GLUL: variants seen among roughly 807,000 people sequenced by gnomAD.
GLUL encodes glutamate-ammonia ligase, also known as glutamine synthetase.
GLUL carries 8 observed loss-of-function variants against 36.9 expected under a neutral mutation model. That is an observed-to-expected ratio of 0.22 (90% CI 0.13 to 0.39). The LOEUF (loss-of-function observed/expected upper bound fraction) is 0.39, where lower values mean the gene tolerates loss of function less well. Among genes scored for constraint, GLUL ranks in the 10% least tolerant of loss-of-function variants. The pLI is 1.00. For synonymous variants in GLUL, 182 were observed against 172.8 expected, an observed-to-expected ratio of 1.05 and a Z score of -0.42; for missense variants, 315 against 501.8, an observed-to-expected ratio of 0.63 and a Z score of 3.56.
Position 182,387,115 on chromosome 1 carries a change from C to T in GLUL, c.328+16G>A, listed in dbSNP as rs371238132. 7.0e-5 allele frequency: 111 copies of T among 1,595,458 alleles called. No individual in the cohort carries two copies. The African/African-American group carries it at 1.3e-3, about 19-fold the overall frequency. On this transcript the variant is annotated intron_variant, in intron 3 of 6. Coordinates refer to ENST00000331872, the MANE Select transcript of GLUL (RefSeq NM_001033044.4). ...ACAGATTGAGGAGGGGTATCCATAG[C>T]TGTGCTATAACACACCTGCAGGCCT...
rs2101933749 is a variant in GLUL, at chr1:182,386,404, T to C, written c.329-2A>G. 1 of 1,605,696 alleles carries C rather than the reference T, an allele frequency of 6.2e-7. No individual in the cohort carries two copies. Among genetic ancestry groups the C allele is most frequent in the Non-Finnish European group, 8.5e-7 (1 of 1,172,334 alleles). ...TACAGGTGTGCCTCAAATTGGTCTC[T>C]AGAAAAAAGAGTCAATAATACGCCA... is the stretch of plus-strand genomic sequence containing the variant. On this transcript the variant is annotated splice_acceptor_variant, in intron 3 of 6. Transcript: ENST00000331872. LOFTEE classifies it high-confidence loss of function.
At chr1:182,387,819 C>T (rs1169203513) in intron 2 of GLUL, among the ~76,000 whole-genome samples, 1 of 152,222 alleles carries the variant, frequency 6.6e-6, no homozygotes, top group Non-Finnish European at 1.5e-5. Flanking sequence ...TGACTGAGTT[C>T]TCTGAAGGCA....
chr1:182,388,917 G>T, intron 1 of GLUL, 167 bp from the exon 2 acceptor site: 6 of 654,262 alleles, frequency 9.2e-6, no homozygotes, highest in Admixed American at 2.2e-5. Context: ...CTTTCAGGGG[G>T]ATTAGTTTTA....
At position 182,384,696 on chromosome 1, in the gene GLUL, T is replaced by C. The variant is rs1571404610; in HGVS notation, c.831A>G (p.Leu277=). 5 of 1,614,096 alleles carry C rather than the reference T, an allele frequency of 3.1e-6. No homozygotes were observed. In the South Asian group the frequency reaches 5.5e-5, roughly 18 times the overall value. The change falls in exon 7 of 7, where the codon CTA becomes CTG. Residue 277 remains leucine (L), a synonymous_variant. Transcript: ENST00000331872. ...LKYIEEAIEK[L]SKRHQYHIRA... is the part of the protein sequence containing the mutation. ...GGATGTGGTACTGGTGCCGCTTGCT[T>C]AGTTTCTCAATGGCCTCCTCGATGT...
At position 182,383,523 on chromosome 1, in the gene GLUL, G is replaced by C. The variant is rs1023782538; in HGVS notation, c.*882C>G. On this transcript the variant is annotated 3_prime_UTR_variant, in exon 7 of 7. Coordinates refer to ENST00000331872, the MANE Select transcript of GLUL (RefSeq NM_001033044.4). ...AATCCAGTGCCCACCTTCTCCAGAGGGTGGGCAGGGCAGAAACCCAAAAGG... is the reference window on the plus strand; with the variant it reads ...AATCCAGTGCCCACCTTCTCCAGAGCGTGGGCAGGGCAGAAACCCAAAAGG... The C allele has an allele frequency of 6.6e-6, 1 of 152,066 alleles. No homozygotes were observed. Among genetic ancestry groups the C allele is most frequent in the Admixed American group, 6.5e-5 (1 of 15,268 alleles). 9.4% of individuals were successfully genotyped at this position (152,066 alleles called of 1,614,324 possible).
chr1:182,387,710 T>G (rs1222020451), intron 2 of GLUL, among the ~76,000 whole-genome samples: 1 of 152,210 alleles, frequency 6.6e-6, no homozygotes, highest in Admixed American at 6.5e-5. Flanking sequence ...ATTTTATAGA[T>G]GAGGGAACAG....
Position 182,380,065 on chromosome 1 carries a change from C to A in GLUL, c.*4340G>T, listed in dbSNP as rs1422904505. 6.6e-6 allele frequency among the ~76,000 whole-genome samples: 1 copy of A among 152,014 alleles called. No homozygotes were observed. Among genetic ancestry groups the A allele is most frequent in the Non-Finnish European group, 1.5e-5 (1 of 68,016 alleles). On this transcript the variant is annotated 3_prime_UTR_variant, in exon 7 of 7. Transcript: ENST00000331872. Reference sequence around the variant, plus strand: ...GTTTCACCATATTGGCCCGGCTGGTCTCAAACTCCCGATCTCAGGTGATCC... The same window carrying A: ...GTTTCACCATATTGGCCCGGCTGGTATCAAACTCCCGATCTCAGGTGATCC...
intron 1 of GLUL, 34 bp from the exon 2 acceptor site, chr1:182,388,784 C>T (rs1283729566): frequency 1.3e-6 from 2 of 1,546,694 alleles, no homozygotes; most frequent in Non-Finnish European, 1.8e-6. Context: ...ATTGTTAACG[C>T]CCACTCCAAA....
intron 1 of GLUL, 167 bp downstream of exon 1, chr1:182,391,512 C>T: frequency 3.1e-6 from 1 of 325,110 alleles, no homozygotes; most frequent in Non-Finnish European, 5.6e-6. Context: ...CGGAAGCACG[C>T]GGGAGGAGCA....
Position 182,384,082 on chromosome 1 carries a change from C to A in GLUL, c.*323G>T. The A allele has an allele frequency of 2.8e-6, 1 of 363,062 alleles. No homozygotes were observed. The highest frequency in any genetic ancestry group is 2.4e-5 in the South Asian group (1 of 41,168). The allele number at this position is 363,062 out of a possible 1,614,324, so 22.5% of individuals were successfully genotyped here. ...GAAGAGACCCCCTTCTGCAAACGTG[C>A]TCTGTCCGGATAGCTACGCCTATTG... On this transcript the variant is annotated 3_prime_UTR_variant, in exon 7 of 7. Coordinates refer to ENST00000331872, the MANE Select transcript of GLUL (RefSeq NM_001033044.4).
At chr1:182,386,223 T>A (rs779228508) in intron 4 of GLUL, 33 bp downstream of exon 4, 1 of 1,602,250 alleles carries the variant, frequency 6.2e-7, no homozygotes, top group Admixed American at 1.7e-5. Flanking sequence ...TAGACACTTC[T>A]GGGAATTTCA....
rs1214683690 is a variant in GLUL at position 182,386,898 on chromosome 1, C to T, written c.328+233G>A. On this transcript the variant is annotated intron_variant, in intron 3 of 6. Coordinates refer to ENST00000331872, the MANE Select transcript of GLUL (RefSeq NM_001033044.4). ...TACTGGGGACTCCAAGACCGGCAAA[C>T]AGATCTGGACAAATCCAATGCTATT... is the stretch of plus-strand genomic sequence containing the variant. The T allele has an allele frequency of 5.2e-6, 3 of 581,604 alleles. No individual in the cohort carries two copies. The African/African-American group carries it at 5.6e-5, about 11-fold the overall frequency. The allele number at this position is 581,604 out of a possible 1,614,324, so 36.0% of individuals were successfully genotyped here.
rs1445023730 is a variant in GLUL at position 182,387,139 on chromosome 1, C to T, written c.320G>A (p.Arg107Lys). ...GCTGTGCTATAACACACCTGCAGGC[C>T]TTCGATTGTACTTGAAAACTTCACA... Reference protein sequence around the residue: ...VLCEVFKYNRRPAETNLRHTC... With the variant: ...VLCEVFKYNRKPAETNLRHTC... The change falls in exon 3 of 7, where the codon AGG becomes AAG. Residue 107 changes from arginine to lysine, a missense_variant. Transcript: ENST00000331872. 2 of 1,613,534 alleles carry T rather than the reference C, an allele frequency of 1.2e-6. No individual in the cohort carries two copies. The highest frequency in any genetic ancestry group is 4.5e-5 in the East Asian group (2 of 44,882).
intron 1 of GLUL, chr1:182,391,072 C>T (rs1650398004): frequency 5.0e-6 from 2 of 398,366 alleles, no homozygotes; most frequent in East Asian, 3.6e-5. Flanking sequence ...CCCGGACCGG[C>T]TTCTCCACTG....
rs1340490522 is a variant in GLUL, at chr1:182,379,905, T to C, written c.*4500A>G. Among the ~76,000 whole-genome samples, 3 of 151,604 alleles carry C rather than the reference T, an allele frequency of 2.0e-5. No individual in the cohort carries two copies. The highest frequency in any genetic ancestry group is 4.4e-5 in the Non-Finnish European group (3 of 67,924). On this transcript the variant is annotated 3_prime_UTR_variant, in exon 7 of 7. Transcript: ENST00000331872. ...TGTTGCCCAGGCTGGAGTACAATGT[T>C]GCAATCTCAGCTCACTGCAACCTCC...
rs548866363 is a variant in GLUL at position 182,381,257 on chromosome 1, AC to A, written c.*3147del. Among the ~76,000 whole-genome samples the A allele has an allele frequency of 6.2e-3, 945 of 152,206 alleles. 2 individuals carry two copies. Among genetic ancestry groups the A allele is most frequent in the Middle Eastern group, 0.014 (4 of 294 alleles). ...ATACTCCAGCCTGGGTGAGAGTCAG[AC>A]CCCGTCTCAAAAACAACAAAAGGCC... On this transcript the variant is annotated 3_prime_UTR_variant, in exon 7 of 7. Coordinates refer to ENST00000331872, the MANE Select transcript of GLUL (RefSeq NM_001033044.4).
rs1156950494 is a variant in GLUL at position 182,383,596 on chromosome 1, GCT to G, written c.*807_*808del. The G allele has an allele frequency of 6.6e-6, 1 of 152,168 alleles. No individual in the cohort carries two copies. Among genetic ancestry groups the G allele is most frequent in the Non-Finnish European group, 1.5e-5 (1 of 68,046 alleles). The allele number at this position is 152,168 out of a possible 1,614,324, so 9.4% of individuals were successfully genotyped here. A position where few individuals can be genotyped will look rare whatever the true frequency, so the allele number is the denominator to read the frequency against. On this transcript the variant is annotated 3_prime_UTR_variant, in exon 7 of 7. Transcript: ENST00000331872. ...TCACCATCTAAGAACCACTTCCCTT[GCT>G]CTCTACTCAAAATGAGATGCTTTAT...
chr1:182,388,754 G>C lies in GLUL; in HGVS notation c.-13-4C>G. The C allele has an allele frequency of 6.2e-7, 1 of 1,611,856 alleles. No homozygotes were observed. Among genetic ancestry groups the C allele is most frequent in the Non-Finnish European group, 8.5e-7 (1 of 1,178,024 alleles). ...GGTGGTCATGGTGGAAGGTGTTCTG[G>C]AGAAGAAAAAAAGAATAACATTGTT... On this transcript the variant is annotated splice_polypyrimidine_tract_variant and splice_region_variant and intron_variant, in intron 1 of 6. Transcript: ENST00000331872.
intron 3 of GLUL, chr1:182,386,696 G>T: frequency 2.0e-6 from 1 of 498,302 alleles, no homozygotes; most frequent in South Asian, 2.1e-5. Flanking sequence ...CTGCATTCTG[G>T]CCACCTCCCA....
Sources: allele counts gnomAD v4.1 joint callset (sites outside exome capture counted in the v4.1 genomes callset), GRCh38; gene constraint gnomAD v4.1.1; transcripts MANE v1.5; gene names NCBI Gene and HGNC (gene_info 2026-07-23, HGNC 2026-07-21).